PTCHD4: variants seen among roughly 807,000 people sequenced by gnomAD.
PTCHD4 encodes patched domain-containing protein 4.
A neutral mutation model predicts 58.1 loss-of-function variants in PTCHD4; 33 were observed. The observed-to-expected ratio is 0.57, with a 90% CI of 0.43 to 0.76. The LOEUF (loss-of-function observed/expected upper bound fraction) is 0.76. Among genes scored for constraint, PTCHD4 ranks in the 30% least tolerant of loss-of-function variants. The probability of loss-of-function intolerance (pLI) is 0.00; values close to 1 mark genes in which losing one functional copy is unlikely to be tolerated. For synonymous variants in PTCHD4, 478 were observed against 409.6 expected (o/e 1.17, Z -2.02); for missense variants, 1,058 against 1,027.1 (o/e 1.03, Z -0.41).
At chr6:47,952,514 C>A (rs1581925078) in intron 4 of PTCHD4, among the ~76,000 whole-genome samples, 2 of 152,166 alleles carry the variant, frequency 1.3e-5, no homozygotes, top group East Asian at 3.9e-4. Context: ...TGCAACCACA[C>A]CCACATATAT....
At chr6:47,974,911 G>T (rs1485270612) in intron 4 of PTCHD4, among the ~76,000 whole-genome samples, 3 of 152,140 alleles carry the variant, frequency 2.0e-5, no homozygotes, top group African/African-American at 4.8e-5. Context: ...AACTATAGCA[G>T]CATCATCATC....
At chr6:47,909,222 A>T (rs1285663052) in intron 4 of PTCHD4, among the ~76,000 whole-genome samples, 1 of 152,166 alleles carries the variant, frequency 6.6e-6, no homozygotes, top group Admixed American at 6.6e-5. Context: ...GAGAATACAC[A>T]TCAAACACCT....
chr6:47,866,708 G>A lies in PTCHD4; in HGVS notation c.*11595C>T, dbSNP rs1234942651. ...GTAATATGATTGCTGGTTTTGGGGAGCACCACTATTATAATTAAAACTTTA... is the reference window on the plus strand; with the variant it reads ...GTAATATGATTGCTGGTTTTGGGGAACACCACTATTATAATTAAAACTTTA... On this transcript the variant is annotated 3_prime_UTR_variant, in exon 5 of 5. Transcript: ENST00000339488. Among the ~76,000 whole-genome samples the A allele has an allele frequency of 1.3e-5, 2 of 151,776 alleles. No individual in the cohort carries two copies. The highest frequency in any genetic ancestry group is 2.9e-5 in the Non-Finnish European group (2 of 67,852).
Position 48,000,856 on chromosome 6 carries a change from C to T in PTCHD4, c.898+7778G>A, listed in dbSNP as rs529481709. Among the ~76,000 whole-genome samples the T allele has an allele frequency of 6.6e-4, 100 of 152,248 alleles. 3 individuals are homozygous for T. The South Asian group carries it at 0.018, about 28-fold the overall frequency. On this transcript the variant is annotated intron_variant, in intron 4 of 4. Transcript: ENST00000339488. ...TCTGCTTTCCTATAAAGTTTTCTTT[C>T]TCACCTGAGTGTTCCCATCAGCATG...
Position 47,887,076 on chromosome 6 carries a change from G to A in PTCHD4, c.899-7140C>T, listed in dbSNP as rs143875683. On this transcript the variant is annotated intron_variant, in intron 4 of 4. Coordinates refer to ENST00000339488, the MANE Select transcript of PTCHD4 (RefSeq NM_001384253.1). ...GGCTTATGGTAAATGCTCAATAAAT[G>A]TTTTTAAAACTGAATTGGCCATGAT... Among the ~76,000 whole-genome samples, 257 of 152,048 alleles carry A rather than the reference G, an allele frequency of 1.7e-3. 1 individual carries two copies. Among genetic ancestry groups the A allele is most frequent in the Admixed American group, 3.6e-3 (55 of 15,262 alleles).
rs1394210022 is a variant in PTCHD4 at position 47,870,500 on chromosome 6, C to G, written c.*7803G>C. On this transcript the variant is annotated 3_prime_UTR_variant, in exon 5 of 5. Coordinates refer to ENST00000339488, the MANE Select transcript of PTCHD4 (RefSeq NM_001384253.1). ...TTGTTTCTATTATAGTTAAGAAAAACCTGTTTTGCAAAATGTTTTTTCACT... is the reference window on the plus strand; with the variant it reads ...TTGTTTCTATTATAGTTAAGAAAAAGCTGTTTTGCAAAATGTTTTTTCACT... Among the ~76,000 whole-genome samples the G allele has an allele frequency of 6.6e-6, 1 of 151,464 alleles. No homozygotes were observed.
chr6:48,048,076 T>C (rs904946135), intron 3 of PTCHD4, among the ~76,000 whole-genome samples: 2 of 150,394 alleles, frequency 1.3e-5, no homozygotes, highest in South Asian at 2.1e-4. Flanking sequence ...CTAAGATTAC[T>C]AGTTACCTGA....
chr6:48,108,466 C>A (rs1023956918), intron 1 of PTCHD4, among the ~76,000 whole-genome samples: 1 of 151,050 alleles, frequency 6.6e-6, no homozygotes, highest in African/African-American at 2.4e-5. Context: ...GTGGGGGGAG[C>A]GGGGAGGGAT....
At chr6:48,098,400 A>G (rs1279174963) in intron 1 of PTCHD4, among the ~76,000 whole-genome samples, 3 of 145,344 alleles carry the variant, frequency 2.1e-5, no homozygotes, top group Admixed American at 7.1e-5. Flanking sequence ...GTGCAGTGGC[A>G]GGATCTCCGC....
rs941364666 is a variant in PTCHD4 at position 48,100,161 on chromosome 6, T to A, written c.-970+10888A>T. Among the ~76,000 whole-genome samples, 4 of 152,332 alleles carry A rather than the reference T, an allele frequency of 2.6e-5. No individual in the cohort carries two copies. In the East Asian group the frequency reaches 5.8e-4, roughly 22 times the overall value. ...ATGTGAGTGGATGTGCATAAGGAGA[T>A]GTGAAACAAGTTGAAGTTTCTGTTG... On this transcript the variant is annotated intron_variant, in intron 1 of 4. Transcript: ENST00000339488.
chr6:48,051,483 C>G (rs1469856055), intron 3 of PTCHD4, among the ~76,000 whole-genome samples: 2 of 151,922 alleles, frequency 1.3e-5, no homozygotes, highest in Non-Finnish European at 2.9e-5. Flanking sequence ...GGAAAAAAGA[C>G]CAAAGGGAGG....
At chr6:47,974,742 T>G (rs934658879) in intron 4 of PTCHD4, among the ~76,000 whole-genome samples, 1 of 152,230 alleles carries the variant, frequency 6.6e-6, no homozygotes, top group African/African-American at 2.4e-5. Flanking sequence ...TGATTTTCAT[T>G]CTTAATTGTG....
At chr6:47,978,084 CT>C (rs1767761191) in intron 4 of PTCHD4, among the ~76,000 whole-genome samples, 2 of 152,016 alleles carry the variant, frequency 1.3e-5, no homozygotes, top group South Asian at 4.2e-4. Context: ...TACTGCTTCC[CT>C]ACTCCTCTCC....
chr6:47,944,835 C>T (rs1004940008), intron 4 of PTCHD4, among the ~76,000 whole-genome samples: 6 of 152,080 alleles, frequency 3.9e-5, no homozygotes, highest in African/African-American at 1.2e-4. Flanking sequence ...AAACTTACTC[C>T]TCACTTCACA....
At chr6:48,060,415 G>A (rs556216462) in intron 3 of PTCHD4, among the ~76,000 whole-genome samples, 1 of 152,238 alleles carries the variant, frequency 6.6e-6, no homozygotes, top group South Asian at 2.1e-4. Flanking sequence ...CTGAAACTAT[G>A]AGAGCCCTTT....
intron 1 of PTCHD4, among the ~76,000 whole-genome samples, chr6:48,108,345 G>A (rs1220245509): frequency 2.6e-5 from 4 of 152,012 alleles, no homozygotes; most frequent in East Asian, 1.9e-4. Context: ...GCAAACTATC[G>A]CAAGGACAAA....
chr6:47,859,926 G>T lies in PTCHD4; in HGVS notation c.*18377C>A, dbSNP rs1180238726. On this transcript the variant is annotated 3_prime_UTR_variant, in exon 5 of 5. Coordinates refer to ENST00000339488, the MANE Select transcript of PTCHD4 (RefSeq NM_001384253.1). ...GGTTGATGCAGAGAGAACAAAGGGG[G>T]CAGTGGCTGGAGAAGTGGTCAGAGC... Among the ~76,000 whole-genome samples the T allele has an allele frequency of 1.3e-5, 2 of 151,958 alleles. No homozygotes were observed. Among genetic ancestry groups the T allele is most frequent in the Admixed American group, 6.6e-5 (1 of 15,232 alleles).
intron 4 of PTCHD4, among the ~76,000 whole-genome samples, chr6:47,959,006 T>A (rs1286506979): frequency 6.6e-6 from 1 of 152,114 alleles, no homozygotes; most frequent in Non-Finnish European, 1.5e-5. Flanking sequence ...ATCATAGACA[T>A]ACAAAAATAC....
rs563362296 is a variant in PTCHD4 at position 47,923,533 on chromosome 6, T to A, written c.899-43597A>T. Reference sequence around the variant, plus strand: ...ATTTCCAACCAGATGTCTTTAAGGTTAAGAATAAAACTGGTGTTGTTTTTG... The same window carrying A: ...ATTTCCAACCAGATGTCTTTAAGGTAAAGAATAAAACTGGTGTTGTTTTTG... On this transcript the variant is annotated intron_variant, in intron 4 of 4. Transcript: ENST00000339488. Among the ~76,000 whole-genome samples, 131 of 152,318 alleles carry A rather than the reference T, an allele frequency of 8.6e-4. 1 individual carries two copies. Among genetic ancestry groups the A allele is most frequent in the Non-Finnish European group, 1.6e-3 (110 of 68,032 alleles).
Sources: gnomAD v4.1 joint callset for allele counts (sites outside exome capture counted in the v4.1 genomes callset) on GRCh38, gnomAD v4.1.1 for gene constraint, MANE v1.5 for transcripts, NCBI Gene and HGNC (gene_info 2026-07-23, HGNC 2026-07-21) for gene names.